Variants in PLA2G4D observed in about 807,000 individuals in gnomAD.
The protein encoded by PLA2G4D is phospholipase A2 group IVD, also known as cytosolic phospholipase A2 delta.
PLA2G4D carries 80 observed loss-of-function variants against 94.4 expected under a neutral mutation model. The ratio of observed to expected loss-of-function variants is 0.85; its 90% CI spans 0.71 to 1.02. The LOEUF (loss-of-function observed/expected upper bound fraction) is 1.02, where lower values mean the gene tolerates loss of function less well. Among genes scored for constraint, PLA2G4D ranks in the 50% least tolerant of loss-of-function variants. The pLI is 0.00. For missense variants in PLA2G4D, 1,050 were observed against 1,034.7 expected, an observed-to-expected ratio of 1.01 and a Z score of -0.20; for synonymous variants, 438 against 440.9, an observed-to-expected ratio of 0.99 and a Z score of 0.08.
Position 42,079,571 on chromosome 15 carries a change from C to G in PLA2G4D, c.1283G>C (p.Trp428Ser). 1 of 1,607,976 alleles carries G rather than the reference C, an allele frequency of 6.2e-7. No homozygotes were observed. Among genetic ancestry groups the G allele is most frequent in the South Asian group, 1.1e-5 (1 of 90,430 alleles). Reference sequence around the variant, plus strand: ...CAGCATGGACTCCAGCACTAGCGCCCACAGGTCCACAAAGGTCGTGGGGTG... The same window carrying G: ...CAGCATGGACTCCAGCACTAGCGCCGACAGGTCCACAAAGGTCGTGGGGTG... ...QGHPTTFVDLWALVLESMLHG... is the reference protein window; with the variant it reads ...QGHPTTFVDLSALVLESMLHG... The change falls in exon 13 of 20, where the codon TGG becomes TCG. Residue 428 changes from tryptophan (W) to serine (S), a missense_variant. Trp to Ser is a radical substitution (Grantham distance 177). Coordinates refer to ENST00000290472, the MANE Select transcript of PLA2G4D (RefSeq NM_178034.4).
intron 6 of PLA2G4D, 74 bp from the exon 7 acceptor site, chr15:42,083,853 A>C (rs1040378271): frequency 1.4e-6 from 2 of 1,468,460 alleles, no homozygotes; most frequent in Admixed American, 3.4e-5. Context: ...ACCCTCTGAG[A>C]CCCACTGTCC....
At chr15:42,070,326 C>T in intron 18 of PLA2G4D, 1 of 530,414 alleles carries the variant, frequency 1.9e-6, no homozygotes, top group East Asian at 3.3e-5. Context: ...GACCCATCCC[C>T]CAGCCCCCCA....
intron 13 of PLA2G4D, among the ~76,000 whole-genome samples, chr15:42,075,888 A>C (rs1889911118): frequency 1.7e-5 from 2 of 117,022 alleles, no homozygotes; most frequent in Admixed American, 1.1e-4. Flanking sequence ...CTCTGAGGAA[A>C]GGAAGGGAGG....
chr15:42,093,387 G>T (rs1290539701), intron 1 of PLA2G4D, among the ~76,000 whole-genome samples: 2 of 152,224 alleles, frequency 1.3e-5, no homozygotes, highest in African/African-American at 4.8e-5. Flanking sequence ...CTTCGCCAGG[G>T]AGATGAGTTT....
Position 42,086,194 on chromosome 15 carries a change from T to TTGGGGGGGCG in PLA2G4D, c.387+18_387+19insCGCCCCCCCA. The TTGGGGGGGCG allele has an allele frequency of 8.8e-6, 12 of 1,370,438 alleles. No homozygotes were observed. Among genetic ancestry groups the TTGGGGGGGCG allele is most frequent in the Middle Eastern group, 2.8e-4 (1 of 3,592 alleles). 84.9% of individuals were successfully genotyped at this position (1,370,438 alleles called of 1,614,324 possible). A position where few individuals can be genotyped will look rare whatever the true frequency, so the allele number is the denominator to read the frequency against. On this transcript the variant is annotated intron_variant, in intron 4 of 19. Coordinates refer to ENST00000290472, the MANE Select transcript of PLA2G4D (RefSeq NM_178034.4). ...GGAAGAAGTGGGGCCCACGGGGACT[T>TTGGGGGGGCG]CCCCACCCACCCACCCACCTGGGGA... is the stretch of plus-strand genomic sequence containing the variant.
chr15:42,087,332 C>T lies in PLA2G4D; in HGVS notation c.223G>A (p.Ala75Thr), dbSNP rs1487679619. The T allele has an allele frequency of 6.2e-7, 1 of 1,614,164 alleles. No individual in the cohort carries two copies. The highest frequency in any genetic ancestry group is 1.6e-4 in the Middle Eastern group (1 of 6,062). ...TDTSHPVWNE[A>T]FRFLIQSQVK... ...TGACTTTGGATAAGGAAACGGAAGGCCTCATTCCACACAGGATGACTGGTG... is the reference window on the plus strand; with the variant it reads ...TGACTTTGGATAAGGAAACGGAAGGTCTCATTCCACACAGGATGACTGGTG... Residue 75 changes from alanine to threonine, a missense_variant, in exon 3 of 20, where the codon GCC (alanine) becomes ACC (threonine). Coordinates refer to ENST00000290472, the MANE Select transcript of PLA2G4D (RefSeq NM_178034.4).
intron 1 of PLA2G4D, among the ~76,000 whole-genome samples, chr15:42,087,925 C>T (rs1244867935): frequency 6.6e-6 from 1 of 152,174 alleles, no homozygotes; most frequent in Admixed American, 6.5e-5. Flanking sequence ...AGCAGCACAC[C>T]CAGATGTGGA....
intron 12 of PLA2G4D, among the ~76,000 whole-genome samples, 180 bp downstream of exon 12, chr15:42,080,817 G>A (rs369238225): frequency 3.3e-5 from 5 of 152,172 alleles, no homozygotes; most frequent in Non-Finnish European, 5.9e-5. Flanking sequence ...GCGCCGCCTC[G>A]CTCACGGCAG....
intron 1 of PLA2G4D, among the ~76,000 whole-genome samples, chr15:42,093,319 GT>G (rs1043028020): frequency 3.9e-5 from 6 of 152,172 alleles, no homozygotes; most frequent in Admixed American, 1.3e-4. Context: ...TTAGGCTTTT[GT>G]TTTACCCAGG....
intron 18 of PLA2G4D, chr15:42,070,431 G>T: frequency 1.9e-6 from 1 of 522,418 alleles, no homozygotes; most frequent in Non-Finnish European, 3.4e-6. Flanking sequence ...AGGTCTGGGG[G>T]ATGGACATGG....
chr15:42,083,572 G>T, intron 7 of PLA2G4D, 144 bp downstream of exon 7: 1 of 1,117,594 alleles, frequency 8.9e-7, no homozygotes, highest in Non-Finnish European at 1.3e-6. Context: ...CAGCGGAGAT[G>T]CGTGGCCCTC....
At chr15:42,081,747 C>G in intron 10 of PLA2G4D, 50 bp downstream of exon 10, 1 of 1,614,018 alleles carries the variant, frequency 6.2e-7, no homozygotes, top group Non-Finnish European at 8.5e-7. Flanking sequence ...TAGCCCTCCC[C>G]TCCTGCATGC....
chr15:42,068,893 G>T lies in PLA2G4D; in HGVS notation c.2279C>A (p.Thr760Asn), dbSNP rs1210530742. Reference sequence around the variant, plus strand: ...CAGGGTGTAGGGGCAGGTGGCCCCGGTGAGATCCACTTGGCCACCCTGGAG... The same window carrying T: ...CAGGGTGTAGGGGCAGGTGGCCCCGTTGAGATCCACTTGGCCACCCTGGAG... ...AELQGGQVDLTGATCPYTLSN... is the reference protein window; with the variant it reads ...AELQGGQVDLNGATCPYTLSN... The change falls in exon 20 of 20, where the codon ACC (threonine) becomes AAC (asparagine). Residue 760 changes from threonine to asparagine, a missense_variant. Transcript: ENST00000290472. 3 of 1,612,948 alleles carry T rather than the reference G, an allele frequency of 1.9e-6. No homozygotes were observed. The South Asian group carries it at 3.3e-5, about 18-fold the overall frequency.
At chr15:42,085,351 C>T (rs1471203425) in intron 5 of PLA2G4D, 140 bp downstream of exon 5, 12 of 1,097,576 alleles carry the variant, frequency 1.1e-5, no homozygotes, top group East Asian at 2.4e-5. Context: ...AGAGAAGCCC[C>T]GCCCCACTCC....
rs186346205 is a variant in PLA2G4D at position 42,074,130 on chromosome 15, C to T, written c.1318-1738G>A. On this transcript the variant is annotated intron_variant, in intron 13 of 19. Coordinates refer to ENST00000290472, the MANE Select transcript of PLA2G4D (RefSeq NM_178034.4). ...ATACATATGACTAGGGAAAATGTGT[C>T]CTTTTACTATAGTTGCACAATTTAT... Among the ~76,000 whole-genome samples the T allele has an allele frequency of 1.8e-3, 272 of 152,220 alleles. 1 individual carries two copies. Among genetic ancestry groups the T allele is most frequent in the Admixed American group, 3.5e-3 (54 of 15,300 alleles).
At position 42,071,501 on chromosome 15, in the gene PLA2G4D, G is replaced by A. The variant is rs750070514; in HGVS notation, c.1624C>T (p.Leu542Phe). 4 of 1,613,972 alleles carry A rather than the reference G, an allele frequency of 2.5e-6. No homozygotes were observed. In the Admixed American group the frequency reaches 6.7e-5, roughly 27 times the overall value. ...SLNLLDAWYDLTSSGESWKQH... is the reference protein window; with the variant it reads ...SLNLLDAWYDFTSSGESWKQH... ...TTCCAGGACTCCCCAGAACTGGTGAGGTCATACCAGGCATCCAGCAGGTTC... is the reference window on the plus strand; with the variant it reads ...TTCCAGGACTCCCCAGAACTGGTGAAGTCATACCAGGCATCCAGCAGGTTC... Residue 542 changes from leucine to phenylalanine, a missense_variant, in exon 16 of 20, where the codon CTC (leucine) becomes TTC (phenylalanine). Transcript: ENST00000290472.
chr15:42,093,194 A>C (rs1423025414), intron 1 of PLA2G4D, among the ~76,000 whole-genome samples: 8 of 152,180 alleles, frequency 5.3e-5, no homozygotes, highest in Admixed American at 5.2e-4. Flanking sequence ...ACAGGAACCG[A>C]CTTGAAGGCT....
At chr15:42,092,152 C>A (rs1890256742) in intron 1 of PLA2G4D, among the ~76,000 whole-genome samples, 1 of 152,194 alleles carries the variant, frequency 6.6e-6, no homozygotes, top group South Asian at 2.1e-4. Flanking sequence ...CTGGTCCCTA[C>A]ACTACTGTAA....
chr15:42,083,366 A>T, intron 7 of PLA2G4D, 32 bp from the exon 8 acceptor site: 1 of 1,595,066 alleles, frequency 6.3e-7, no homozygotes, highest in Non-Finnish European at 8.5e-7. Flanking sequence ...TAGCATGAGA[A>T]CAAGAGCCCG....
Sources: gnomAD v4.1 joint callset for allele counts (sites outside exome capture counted in the v4.1 genomes callset) on GRCh38, gnomAD v4.1.1 for gene constraint, MANE v1.5 for transcripts, NCBI Gene and HGNC (gene_info 2026-07-23, HGNC 2026-07-21) for gene names.